Variants in GTF3C3 observed in about 807,000 individuals in gnomAD.
GTF3C3 encodes general transcription factor 3C polypeptide 3.
In GTF3C3, 75 loss-of-function variants were observed where a neutral mutation model predicts 105.2. The ratio of observed to expected loss-of-function variants is 0.71; its 90% CI spans 0.59 to 0.86. GTF3C3 has a LOEUF of 0.86. Ranked by LOEUF, GTF3C3 falls within the 40% of genes least tolerant of loss-of-function variation. The probability of loss-of-function intolerance (pLI) is 0.00; values close to 1 mark genes in which losing one functional copy is unlikely to be tolerated. For synonymous variants in GTF3C3, 335 were observed against 370.4 expected (o/e 0.90, Z 1.10); for missense variants, 856 against 1,076.5 (o/e 0.80, Z 2.87).
intron 5 of GTF3C3, 136 bp from the exon 6 acceptor site, chr2:196,789,505 A>G (rs1699510760): frequency 3.3e-6 from 2 of 608,594 alleles, no homozygotes; most frequent in African/African-American, 3.7e-5. Context: ...GAATAAATCT[A>G]TATTCACAGG....
intron 13 of GTF3C3, chr2:196,773,542 G>C: frequency 3.3e-6 from 1 of 304,840 alleles, no homozygotes; most frequent in Middle Eastern, 1.2e-3. Context: ...TTTCATGCAA[G>C]GCAATTTTTC....
At chr2:196,773,221 C>A in intron 13 of GTF3C3, 68 bp from the exon 14 acceptor site, 1 of 863,440 alleles carries the variant, frequency 1.2e-6, no homozygotes, top group South Asian at 1.6e-5. Flanking sequence ...TAGAAAAATT[C>A]ACATCATCAA....
intron 13 of GTF3C3, chr2:196,773,701 GT>G: frequency 2.3e-6 from 1 of 434,630 alleles, no homozygotes; most frequent in Non-Finnish European, 4.6e-6. Context: ...CCCTGAGCTT[GT>G]TTTCCTGCAA....
At position 196,786,262 on chromosome 2, in the gene GTF3C3, C is replaced by T. The variant is rs1699451196; in HGVS notation, c.894-674G>A. 2.0e-5 allele frequency among the ~76,000 whole-genome samples: 3 copies of T among 152,256 alleles called. No homozygotes were observed. The South Asian group carries it at 6.2e-4, about 32-fold the overall frequency. On this transcript the variant is annotated intron_variant, in intron 6 of 17. Transcript: ENST00000263956. The surrounding 1 kb of genome is among the most constrained non-coding windows in gnomAD (Gnocchi z 4.2). ...TCGGATCCAGTAGAGCTGGGGCAGGCCTGAGATCCTGCATTTCTGACAAGC... is the reference window on the plus strand; with the variant it reads ...TCGGATCCAGTAGAGCTGGGGCAGGTCTGAGATCCTGCATTTCTGACAAGC...
chr2:196,795,677 G>GT (rs1212165175), intron 2 of GTF3C3, among the ~76,000 whole-genome samples: 8 of 152,210 alleles, frequency 5.3e-5, no homozygotes, highest in African/African-American at 1.7e-4. Flanking sequence ...TTCATGAAGA[G>GT]TATCTACAAA....
rs1295871297 is a variant in GTF3C3 at position 196,763,418 on chromosome 2, A to G, written c.*1145T>C. 1.3e-5 allele frequency: 2 copies of G among 151,942 alleles called. No individual in the cohort carries two copies. Among genetic ancestry groups the G allele is most frequent in the Non-Finnish European group, 2.9e-5 (2 of 67,884 alleles). The allele number at this position is 151,942 out of a possible 1,614,324, so 9.4% of individuals were successfully genotyped here. On this transcript the variant is annotated 3_prime_UTR_variant, in exon 18 of 18. Transcript: ENST00000263956. The stretch of plus-strand genomic sequence containing the variant: ...CAGTTACCTCTACCATTACCTATAA[A>G]TGGCATAAAGTAAAAATTAAGCATG...
intron 3 of GTF3C3, 78 bp downstream of exon 3, chr2:196,792,878 C>T (rs1699575536): frequency 3.4e-6 from 3 of 877,026 alleles, no homozygotes; most frequent in Non-Finnish European, 5.6e-6. Context: ...GAATTGTTTC[C>T]CAGGTATAAC....
In GTF3C3 at chr2:196,769,962, T is replaced by C; in HGVS notation, c.2338A>G (p.Met780Val). ...SFCIGLTFIH[M>V]ASQKYVLRRH... ...CGTAACACATACTTCTGAGATGCCA[T>C]ATGAATAAAGGTTAGGCCTATACAG... Residue 780 changes from methionine (M) to valine (V), a missense_variant, in exon 16 of 18, where the codon ATG becomes GTG. This residue lies in a region of GTF3C3 where 605 missense variants were observed against 833.6 expected (regional missense o/e 0.73). Coordinates refer to ENST00000263956, the MANE Select transcript of GTF3C3 (RefSeq NM_012086.5). 6.2e-7 allele frequency: 1 copy of C among 1,605,502 alleles called. No individual in the cohort carries two copies. The highest frequency in any genetic ancestry group is 8.5e-7 in the Non-Finnish European group (1 of 1,176,088).
chr2:196,791,607 C>T, intron 3 of GTF3C3, 147 bp from the exon 4 acceptor site: 1 of 614,222 alleles, frequency 1.6e-6, no homozygotes, highest in Non-Finnish European at 2.7e-6. Flanking sequence ...TAAATAGTTG[C>T]AATTCTAATT....
At chr2:196,777,471 C>T (rs1267267566) in intron 10 of GTF3C3, among the ~76,000 whole-genome samples, 1 of 152,198 alleles carries the variant, frequency 6.6e-6, no homozygotes, top group African/African-American at 2.4e-5. Context: ...GAAAACAAGT[C>T]TCTGTGAGCA....
intron 10 of GTF3C3, chr2:196,777,557 C>T (rs1307479860): frequency 6.6e-6 from 1 of 152,172 alleles, no homozygotes; most frequent in African/African-American, 2.4e-5. Flanking sequence ...CAAATCTCTC[C>T]TGACCATCAT....
At chr2:196,789,665 C>CT (rs1165170660) in intron 5 of GTF3C3, among the ~76,000 whole-genome samples, 1 of 152,162 alleles carries the variant, frequency 6.6e-6, no homozygotes, top group East Asian at 1.9e-4. Context: ...TACTGTTCAT[C>CT]TACCAACTTT....
chr2:196,786,794 T>G lies in GTF3C3; in HGVS notation c.894-1206A>C, dbSNP rs1244428096. On this transcript the variant is annotated intron_variant, in intron 6 of 17. Coordinates refer to ENST00000263956, the MANE Select transcript of GTF3C3 (RefSeq NM_012086.5). This position sits in a 1 kb window ranked among gnomAD's most constrained non-coding sequence, Gnocchi z 4.2. ...TCTCCAATGCCTCTTTCCATTCTCTTTTTAACCTAATCCAATCAACTTTTC... is the reference window on the plus strand; with the variant it reads ...TCTCCAATGCCTCTTTCCATTCTCTGTTTAACCTAATCCAATCAACTTTTC... 6.6e-6 allele frequency among the ~76,000 whole-genome samples: 1 copy of G among 152,100 alleles called. No homozygotes were observed. The highest frequency in any genetic ancestry group is 2.4e-5 in the African/African-American group (1 of 41,422).
chr2:196,776,396 GA>G lies in GTF3C3; in HGVS notation c.1593+30del. ...AAAGTTCTAAAATATAATATACCAA[GA>G]AAAACTTCCCTCTATGTGACATGGC... On this transcript the variant is annotated intron_variant, in intron 11 of 17. Coordinates refer to ENST00000263956, the MANE Select transcript of GTF3C3 (RefSeq NM_012086.5). This position sits in a 1 kb window ranked among gnomAD's most constrained non-coding sequence, Gnocchi z 4.5. The G allele has an allele frequency of 1.3e-6, 2 of 1,570,248 alleles. No individual in the cohort carries two copies. The highest frequency in any genetic ancestry group is 1.7e-6 in the Non-Finnish European group (2 of 1,144,148).
chr2:196,772,883 G>T (rs758936735), intron 14 of GTF3C3, 33 bp downstream of exon 14: 15 of 1,076,638 alleles, frequency 1.4e-5, no homozygotes, highest in Admixed American at 4.6e-5. Context: ...CTCTATTAAA[G>T]AATCTAATTA....
intron 16 of GTF3C3, among the ~76,000 whole-genome samples, chr2:196,768,023 ATTCTG>A (rs1264582937): frequency 2.0e-5 from 3 of 152,188 alleles, no homozygotes; most frequent in Non-Finnish European, 4.4e-5. Flanking sequence ...CTATTGTTCT[ATTCTG>A]TTCTGTTCTC....
chr2:196,764,394 T>C lies in GTF3C3; in HGVS notation c.*169A>G, dbSNP rs1201529550. 1 of 538,318 alleles carries C rather than the reference T, an allele frequency of 1.9e-6. No individual in the cohort carries two copies. Among genetic ancestry groups the C allele is most frequent in the Non-Finnish European group, 3.0e-6 (1 of 330,164 alleles). 33.3% of individuals were successfully genotyped at this position (538,318 alleles called of 1,614,324 possible). On this transcript the variant is annotated 3_prime_UTR_variant, in exon 18 of 18. Transcript: ENST00000263956. ...ATACAAATTTTTGTAGGAATAATTTTGCATATATACCACAAGATCATTATC... is the reference window on the plus strand; with the variant it reads ...ATACAAATTTTTGTAGGAATAATTTCGCATATATACCACAAGATCATTATC...
Position 196,775,133 on chromosome 2 carries a change from G to T in GTF3C3, c.1814C>A (p.Ala605Glu). 1.2e-6 allele frequency: 2 copies of T among 1,611,844 alleles called. No individual in the cohort carries two copies. The highest frequency in any genetic ancestry group is 1.7e-6 in the Non-Finnish European group (2 of 1,178,764). Reference sequence around the variant, plus strand: ...GTTATTACCTTTTGCATCACAATTTGCTGACTCTTGGTCATTGCTGTCTGA... The same window carrying T: ...GTTATTACCTTTTGCATCACAATTTTCTGACTCTTGGTCATTGCTGTCTGA... Reference protein sequence around the residue: ...KISDSNDQESANCDAKAIFAV... With the variant: ...KISDSNDQESENCDAKAIFAV... The change falls in exon 13 of 18, where the codon GCA (alanine) becomes GAA (glutamate). Residue 605 changes from alanine (A) to glutamate (E), a missense_variant. By Grantham distance (107) the Ala-to-Glu change is moderately radical. Around this residue, in one of 3 missense-constraint regions of GTF3C3, gnomAD observed 605 missense variants for 833.6 expected, o/e 0.73. Transcript: ENST00000263956.
rs2125735693 is a variant in GTF3C3 at position 196,764,139 on chromosome 2, A to G, written c.*424T>C. On this transcript the variant is annotated 3_prime_UTR_variant, in exon 18 of 18. Coordinates refer to ENST00000263956, the MANE Select transcript of GTF3C3 (RefSeq NM_012086.5). Reference sequence around the variant, plus strand: ...TTAGTTATCATGGTCATGACATCATAAAGAGTCCCACTTTGTCTTTCCTTT... The same window carrying G: ...TTAGTTATCATGGTCATGACATCATGAAGAGTCCCACTTTGTCTTTCCTTT... The G allele has an allele frequency of 6.5e-6, 1 of 152,922 alleles. No homozygotes were observed. Among genetic ancestry groups the G allele is most frequent in the East Asian group, 1.9e-4 (1 of 5,206 alleles). 9.5% of individuals were successfully genotyped at this position (152,922 alleles called of 1,614,324 possible). A position where few individuals can be genotyped will look rare whatever the true frequency, so the allele number is the denominator to read the frequency against.
Sources: allele counts gnomAD v4.1 joint callset (sites outside exome capture counted in the v4.1 genomes callset), GRCh38; gene constraint gnomAD v4.1.1; regional missense constraint gnomAD v4.1.1; non-coding constraint Gnocchi (gnomAD v3.1); transcripts MANE v1.5; gene names NCBI Gene and HGNC (gene_info 2026-07-23, HGNC 2026-07-21).